The following PCDHA2 variants were observed in gnomAD, a reference collection of about 807,000 sequenced individuals.
PCDHA2 encodes protocadherin alpha 2.
In PCDHA2, 58 loss-of-function variants were observed where a neutral mutation model predicts 66.0. That is an observed-to-expected ratio of 0.88 (90% CI 0.71 to 1.09). The LOEUF (loss-of-function observed/expected upper bound fraction) is 1.09. Ranked by LOEUF, PCDHA2 falls within the 50% of genes least tolerant of loss-of-function variation. The pLI, the probability that PCDHA2 is intolerant of heterozygous loss-of-function variation, is 0.00. For missense variants in PCDHA2, 1,267 were observed against 1,242.3 expected (o/e 1.02, Z -0.30); for synonymous variants, 634 against 554.0 (o/e 1.14, Z -2.03).
chr5:140,869,106 G>A (rs1300691956), intron 1 of PCDHA2: 1 of 1,602,672 alleles, frequency 6.2e-7, no homozygotes, highest in Non-Finnish European at 8.5e-7. Flanking sequence ...CGTATGCGAT[G>A]TTTGGTTTTC....
At chr5:140,834,528 G>A (rs2150220380) in intron 1 of PCDHA2, 2 of 1,614,086 alleles carry the variant, frequency 1.2e-6, no homozygotes, top group Non-Finnish European at 8.5e-7. Context: ...GGGCCGCATC[G>A]CGCAGGACCT....
intron 1 of PCDHA2, chr5:140,842,695 C>A (rs1554139285): frequency 6.3e-7 from 1 of 1,595,194 alleles, no homozygotes. Context: ...TCGCGCAGCC[C>A]GAGTACACGG....
intron 1 of PCDHA2, chr5:140,850,152 G>T (rs2150469849): frequency 1.3e-6 from 2 of 1,595,546 alleles, no homozygotes; most frequent in Middle Eastern, 2.0e-4. Context: ...GACGCTGCAG[G>T]TGTTCGTGCT....
chr5:140,933,064 A>G (rs2088836698), intron 1 of PCDHA2, among the ~76,000 whole-genome samples: 1 of 152,030 alleles, frequency 6.6e-6, no homozygotes, highest in African/African-American at 2.4e-5. Context: ...GATCCTGACT[A>G]AAGTATTATG....
Position 140,953,939 on chromosome 5 carries a change from A to G in PCDHA2, c.2389-25010A>G, listed in dbSNP as rs544318515. ...TATTCTTCCTGATGCTCTCCCTCCCATTGCTCCCCCAACAGGCCCCAGTGT... is the reference window on the plus strand; with the variant it reads ...TATTCTTCCTGATGCTCTCCCTCCCGTTGCTCCCCCAACAGGCCCCAGTGT... On this transcript the variant is annotated intron_variant, in intron 1 of 3. Coordinates refer to ENST00000526136, the MANE Select transcript of PCDHA2 (RefSeq NM_018905.3). Among the ~76,000 whole-genome samples the G allele has an allele frequency of 2.8e-3, 420 of 151,700 alleles. 4 individuals carry two copies. The highest frequency in any genetic ancestry group is 4.8e-3 in the Non-Finnish European group (324 of 67,900).
intron 1 of PCDHA2, among the ~76,000 whole-genome samples, chr5:140,846,538 C>A (rs553937365): frequency 1.3e-5 from 2 of 148,384 alleles, no homozygotes; most frequent in African/African-American, 4.9e-5. Context: ...CCATGCCCTG[C>A]TAATTTTTTG....
intron 1 of PCDHA2, chr5:140,966,441 CT>C (rs1165111455): frequency 7.1e-6 from 3 of 424,684 alleles, no homozygotes; most frequent in African/African-American, 4.1e-5. Context: ...CTACCGCTCC[CT>C]TTCCCCCTCC....
chr5:140,869,973 C>A (rs782664221), intron 1 of PCDHA2: 2 of 1,613,100 alleles, frequency 1.2e-6, no homozygotes, highest in Admixed American at 1.7e-5. Context: ...ATGGAAGACA[C>A]TTATTTACAC....
chr5:140,967,156 G>T, intron 1 of PCDHA2: 1 of 1,610,540 alleles, frequency 6.2e-7, no homozygotes, highest in Non-Finnish European at 8.5e-7. Context: ...ACCCCGTGGC[G>T]GTGAGCGCCG....
At chr5:140,996,697 C>T (rs559736986) in intron 3 of PCDHA2, among the ~76,000 whole-genome samples, 1 of 152,236 alleles carries the variant, frequency 6.6e-6, no homozygotes, top group East Asian at 1.9e-4. Flanking sequence ...TCTTCTGAAC[C>T]TCTATCTCTT....
At chr5:140,995,571 T>A (rs2097689586) in intron 3 of PCDHA2, among the ~76,000 whole-genome samples, 1 of 152,252 alleles carries the variant, frequency 6.6e-6, no homozygotes, top group Admixed American at 6.5e-5. Flanking sequence ...TATGTCAAGA[T>A]GAGCTATGAG....
At chr5:140,853,303 A>G in intron 1 of PCDHA2, 1 of 982,870 alleles carries the variant, frequency 1.0e-6, no homozygotes, top group Non-Finnish European at 1.2e-6. Flanking sequence ...AAGGGCTGTG[A>G]ACACCTTAGT....
chr5:140,803,529 C>A (rs781877015), intron 1 of PCDHA2: 1 of 1,614,098 alleles, frequency 6.2e-7, no homozygotes, highest in South Asian at 1.1e-5. Flanking sequence ...TAGCCTTCCT[C>A]CTTGTCCAAT....
chr5:140,810,905 G>T (rs187212503), intron 1 of PCDHA2: 3 of 151,982 alleles, frequency 2.0e-5, no homozygotes, highest in Non-Finnish European at 4.4e-5. Context: ...ATTTTCTGTG[G>T]TATCTTTTAT....
intron 1 of PCDHA2, chr5:140,823,277 G>C (rs2150124312): frequency 6.2e-7 from 1 of 1,612,322 alleles, no homozygotes; most frequent in South Asian, 1.1e-5. Context: ...GTGGGCGAGC[G>C]CCCGCTGTCG....
intron 1 of PCDHA2, chr5:140,843,656 G>C (rs1294872443): frequency 1.9e-6 from 3 of 1,594,636 alleles, no homozygotes; most frequent in Non-Finnish European, 2.6e-6. Context: ...CCTTCCTCCT[G>C]ATCTGGGATC....
chr5:140,875,409 A>C (rs2055459044), intron 1 of PCDHA2: 1 of 1,500,680 alleles, frequency 6.7e-7, no homozygotes, highest in African/African-American at 1.4e-5. Context: ...CTGCTCATAA[A>C]ATACCTCAGG....
At chr5:140,833,769 G>A (rs2150211252) in intron 1 of PCDHA2, among the ~76,000 whole-genome samples, 5,218 of 144,902 alleles carry the variant, frequency 0.036, 318 homozygotes, top group African/African-American at 0.13. Context: ...CACACACACC[G>A]CTTTCTAAGT....
At chr5:140,969,638 G>A (rs1461834971) in intron 1 of PCDHA2, 1 of 210,658 alleles carries the variant, frequency 4.7e-6, no homozygotes, top group African/African-American at 2.4e-5. Context: ...ACAGGCCTTG[G>A]AATAGGGATT....
Sources: allele counts gnomAD v4.1 joint callset (sites outside exome capture counted in the v4.1 genomes callset), GRCh38; gene constraint gnomAD v4.1.1; transcripts MANE v1.5; gene names NCBI Gene and HGNC (gene_info 2026-07-23, HGNC 2026-07-21).